CNTN5: variants seen among roughly 807,000 people sequenced by gnomAD.
The protein encoded by CNTN5 is contactin-5.
Under a neutral mutation model 129.1 loss-of-function variants are expected in CNTN5, and 77 were observed. The observed-to-expected ratio is 0.60, with a 90% confidence interval of 0.50 to 0.72. The LOEUF is 0.72. Ranked by LOEUF, CNTN5 falls within the 30% of genes least tolerant of loss-of-function variation. The pLI is 0.00. For synonymous variants in CNTN5, 509 were observed against 465.6 expected (o/e 1.09, Z -1.20); for missense variants, 1,478 against 1,328.8 (o/e 1.11, Z -1.75).
chr11:100,256,043 T>C, intron 17 of CNTN5, 125 bp downstream of exon 17: 1 of 830,308 alleles, frequency 1.2e-6, no homozygotes, highest in South Asian at 2.1e-5. Context: ...TCTTACAATA[T>C]TGACAATTCT....
chr11:99,489,797 G>T (rs1163165088), intron 2 of CNTN5, among the ~76,000 whole-genome samples: 1 of 152,164 alleles, frequency 6.6e-6, no homozygotes, highest in Non-Finnish European at 1.5e-5. Context: ...CAGGGAGAAT[G>T]TGGGAGAGCA....
At chr11:99,501,280 AG>A (rs1172507686) in intron 2 of CNTN5, among the ~76,000 whole-genome samples, 1 of 152,216 alleles carries the variant, frequency 6.6e-6, no homozygotes, top group African/African-American at 2.4e-5. Flanking sequence ...TTGGCTTTAT[AG>A]TAATGGTTGT....
intron 13 of CNTN5, among the ~76,000 whole-genome samples, chr11:100,095,567 A>G (rs1944980599): frequency 6.6e-6 from 1 of 152,078 alleles, no homozygotes; most frequent in South Asian, 2.1e-4. Context: ...TTAGTTACCA[A>G]TTTGTCTCTC....
At chr11:99,662,325 C>T (rs1280570764) in intron 3 of CNTN5, among the ~76,000 whole-genome samples, 1 of 152,032 alleles carries the variant, frequency 6.6e-6, no homozygotes, top group Non-Finnish European at 1.5e-5. Flanking sequence ...CTACAATAAT[C>T]GACATCCATT....
chr11:99,715,661 T>TTA (rs1228133244), intron 3 of CNTN5, among the ~76,000 whole-genome samples: 2 of 152,014 alleles, frequency 1.3e-5, no homozygotes, highest in Non-Finnish European at 2.9e-5. Flanking sequence ...TATTTATCAT[T>TTA]TATAACATGG....
At chr11:99,073,374 G>GTTTTTTTTTTTTTTTTTTTT (rs750531770) in intron 1 of CNTN5, among the ~76,000 whole-genome samples, 1 of 61,196 alleles carries the variant, frequency 1.6e-5, no homozygotes, top group Non-Finnish European at 2.9e-5. Context: ...TTATGGTTTG[G>GTTTTTTTTTTTTTTTTTTTT]TTTTTTTTTT....
Position 99,844,941 on chromosome 11 carries a change from T to C in CNTN5, c.367T>C (p.Cys123Arg), listed in dbSNP as rs753616456. The C allele has an allele frequency of 1.9e-6, 3 of 1,613,792 alleles. No individual in the cohort carries two copies. Among genetic ancestry groups the C allele is most frequent in the Non-Finnish European group, 2.5e-6 (3 of 1,179,800 alleles). ...DSDEKKVALN[C>R]EVRGNPVPSY... ...TGATGAAAAGAAGGTAGCATTGAAT[T>C]GTGAAGTTCGTGGCAATCCAGTTCC... The change falls in exon 5 of 25, where the codon TGT becomes CGT. Residue 123 changes from cysteine (C) to arginine (R), a missense_variant. Coordinates refer to ENST00000524871, the MANE Select transcript of CNTN5 (RefSeq NM_014361.4).
intron 1 of CNTN5, among the ~76,000 whole-genome samples, chr11:99,078,759 A>G (rs1865680916): frequency 6.6e-6 from 1 of 152,138 alleles, no homozygotes; most frequent in Admixed American, 6.5e-5. Flanking sequence ...AGCTTATGGA[A>G]ATAGAGACTA....
chr11:99,079,981 G>A (rs1433477823), intron 1 of CNTN5, among the ~76,000 whole-genome samples: 1 of 152,152 alleles, frequency 6.6e-6, no homozygotes, highest in Non-Finnish European at 1.5e-5. Flanking sequence ...TGTGTGGACA[G>A]GAACAGAGTA....
intron 13 of CNTN5, among the ~76,000 whole-genome samples, chr11:100,187,227 C>T (rs1948324833): frequency 6.6e-6 from 1 of 152,086 alleles, no homozygotes; most frequent in South Asian, 2.1e-4. Context: ...GAGTTTTGTA[C>T]ATCGATTTTG....
chr11:99,640,107 A>G (rs1565378316), intron 3 of CNTN5, among the ~76,000 whole-genome samples: 1 of 152,118 alleles, frequency 6.6e-6, no homozygotes, highest in Non-Finnish European at 1.5e-5. Flanking sequence ...GGACAAAGCC[A>G]CTCAACAAGT....
chr11:100,173,574 G>A (rs79572866), intron 13 of CNTN5, among the ~76,000 whole-genome samples: 5,547 of 152,172 alleles, frequency 0.036, 312 homozygotes, highest in African/African-American at 0.13. Flanking sequence ...GATGGACTTT[G>A]GAGAAGGTAG....
chr11:99,576,534 A>G (rs780410480), intron 3 of CNTN5, among the ~76,000 whole-genome samples: 2 of 152,214 alleles, frequency 1.3e-5, no homozygotes, highest in Non-Finnish European at 2.9e-5. Context: ...CAGGACAGAC[A>G]CTGTAGATAA....
At chr11:100,226,610 C>A (rs1465828650) in intron 16 of CNTN5, among the ~76,000 whole-genome samples, 1 of 152,104 alleles carries the variant, frequency 6.6e-6, no homozygotes, top group African/African-American at 2.4e-5. Flanking sequence ...ACATTCAGCC[C>A]AAGCTTTCAC....
chr11:100,331,899 T>C (rs910286371), intron 21 of CNTN5, among the ~76,000 whole-genome samples: 1 of 151,920 alleles, frequency 6.6e-6, no homozygotes. Context: ...AGAGCACAAA[T>C]AGACAATCTT....
At chr11:100,132,659 A>T (rs1025811974) in intron 13 of CNTN5, among the ~76,000 whole-genome samples, 1 of 152,122 alleles carries the variant, frequency 6.6e-6, no homozygotes, top group East Asian at 1.9e-4. Context: ...TGAGAATATC[A>T]TGTGACATTA....
At position 100,070,575 on chromosome 11, in the gene CNTN5, T is replaced by C. The variant is rs2137865100; in HGVS notation, c.1299+15T>C. 1 of 1,612,082 alleles carries C rather than the reference T, an allele frequency of 6.2e-7. No homozygotes were observed. The highest frequency in any genetic ancestry group is 1.3e-5 in the African/African-American group (1 of 74,988). ...TCTCACCTCAGGTACTGTTGGGAGT[T>C]ATTAACCTGTTCTGCTGTAATTTTA... On this transcript the variant is annotated intron_variant, in intron 11 of 24. Transcript: ENST00000524871.
At chr11:99,726,559 C>T (rs530533624) in intron 3 of CNTN5, among the ~76,000 whole-genome samples, 2 of 152,124 alleles carry the variant, frequency 1.3e-5, no homozygotes, top group Non-Finnish European at 2.9e-5. Context: ...ACACTTATTT[C>T]TTACTTCAGG....
At chr11:99,391,580 A>G (rs1274387835) in intron 2 of CNTN5, among the ~76,000 whole-genome samples, 1 of 152,116 alleles carries the variant, frequency 6.6e-6, no homozygotes, top group Non-Finnish European at 1.5e-5. Context: ...ATTGAAGTTG[A>G]TGCTCAGAGG....
Sources: allele counts gnomAD v4.1 joint callset (sites outside exome capture counted in the v4.1 genomes callset), GRCh38; gene constraint gnomAD v4.1.1; transcripts MANE v1.5; gene names NCBI Gene and HGNC (gene_info 2026-07-23, HGNC 2026-07-21).